ZNF678: variants seen among roughly 807,000 people sequenced by gnomAD.
ZNF678 encodes hypothetical protein MGC42493.
ZNF678 carries 5 observed loss-of-function variants against 3.0 expected under a neutral mutation model. The ratio of observed to expected loss-of-function variants is 1.69; its 90% CI spans 0.88 to 3.56. The LOEUF is 3.56. Among genes scored for constraint, ZNF678 ranks in the 30% most tolerant of loss-of-function variants. ZNF678 has a pLI of 0.00. For missense variants in ZNF678, 593 were observed against 605.0 expected, an observed-to-expected ratio of 0.98 and a Z score of 0.21; for synonymous variants, 218 against 199.6, an observed-to-expected ratio of 1.09 and a Z score of -0.78.
intron 1 of ZNF678, among the ~76,000 whole-genome samples, chr1:227,566,198 C>A (rs912475031): frequency 6.6e-6 from 1 of 152,156 alleles, no homozygotes; most frequent in African/African-American, 2.4e-5. Flanking sequence ...CAGCCTATGG[C>A]ATGGAGATGG....
In ZNF678 at chr1:227,655,896, G is replaced by A. The variant is rs1258210192; in HGVS notation, c.*68G>A. On this transcript the variant is annotated 3_prime_UTR_variant, in exon 4 of 4. Transcript: ENST00000343776. ...TAAAAGTGGTATGAGCATAATGACT[G>A]TTTAAGGATGTTTCACAAAATGTAA... 5 of 1,391,886 alleles carry A rather than the reference G, an allele frequency of 3.6e-6. No individual in the cohort carries two copies. The highest frequency in any genetic ancestry group is 4.9e-6 in the Non-Finnish European group (5 of 1,028,686). The allele number at this position is 1,391,886 out of a possible 1,614,324, so 86.2% of individuals were successfully genotyped here. A position where few individuals can be genotyped will look rare whatever the true frequency, so the allele number is the denominator to read the frequency against.
At chr1:227,585,571 G>A (rs978129845) in intron 1 of ZNF678, among the ~76,000 whole-genome samples, 1 of 152,108 alleles carries the variant, frequency 6.6e-6, no homozygotes, top group Non-Finnish European at 1.5e-5. Context: ...TCAAGAGATC[G>A]AGACCATACT....
chr1:227,570,739 C>T (rs1656818301), intron 1 of ZNF678, among the ~76,000 whole-genome samples: 1 of 151,966 alleles, frequency 6.6e-6, no homozygotes, highest in African/African-American at 2.4e-5. Context: ...TTGATAATGT[C>T]ACTGTCTCCA....
At chr1:227,585,082 A>T (rs1194909974) in intron 1 of ZNF678, among the ~76,000 whole-genome samples, 2 of 152,092 alleles carry the variant, frequency 1.3e-5, no homozygotes, top group African/African-American at 2.4e-5. Flanking sequence ...GAAGAGACAA[A>T]TTTTTTCTAT....
intron 1 of ZNF678, among the ~76,000 whole-genome samples, chr1:227,564,949 T>C (rs535753055): frequency 1.3e-5 from 2 of 152,124 alleles, no homozygotes; most frequent in East Asian, 3.9e-4. Context: ...TTGGTCAGGC[T>C]GGTCTCCAAC....
At chr1:227,675,789 C>G (rs1357200934) in intron 5 of ZNF678, among the ~76,000 whole-genome samples, 1 of 152,078 alleles carries the variant, frequency 6.6e-6, no homozygotes, top group Non-Finnish European at 1.5e-5. Context: ...ATCATCTAAA[C>G]TTGTAAAAAA....
At chr1:227,628,301 T>A (rs1408283927) in intron 1 of ZNF678, among the ~76,000 whole-genome samples, 1 of 152,192 alleles carries the variant, frequency 6.6e-6, no homozygotes, top group African/African-American at 2.4e-5. Flanking sequence ...CTGTTTTTTT[T>A]TCTGTGACAT....
chr1:227,580,084 T>C (rs1426909470), intron 1 of ZNF678, among the ~76,000 whole-genome samples: 3 of 152,190 alleles, frequency 2.0e-5, no homozygotes, highest in Non-Finnish European at 4.4e-5. Context: ...AGTGGATTGC[T>C]TCTTGACAGT....
Position 227,655,532 on chromosome 1 carries a change from A to G in ZNF678, c.1282A>G (p.Thr428Ala). The G allele has an allele frequency of 6.2e-7, 1 of 1,612,748 alleles. No individual in the cohort carries two copies. The highest frequency in any genetic ancestry group is 8.5e-7 in the Non-Finnish European group (1 of 1,179,400). Residue 428 changes from threonine to alanine, a missense_variant, in exon 4 of 4, where the codon ACT becomes GCT. Coordinates refer to ENST00000343776, the MANE Select transcript of ZNF678 (RefSeq NM_001367909.1). ...SHLTSHKRIH[T>A]GEKPYKCKEC... is the part of the protein sequence containing the mutation. ...CCTAACTAGCCATAAGAGAATTCAT[A>G]CTGGAGAGAAACCCTACAAATGTAA...
intron 1 of ZNF678, among the ~76,000 whole-genome samples, chr1:227,579,094 G>C (rs1657056399): frequency 6.6e-6 from 1 of 152,124 alleles, no homozygotes; most frequent in East Asian, 1.9e-4. Context: ...CTGGCTCCTG[G>C]AGGTTTGGAA....
At chr1:227,635,840 G>A (rs921881256) in intron 1 of ZNF678, among the ~76,000 whole-genome samples, 6 of 151,982 alleles carry the variant, frequency 3.9e-5, no homozygotes, top group Non-Finnish European at 7.4e-5. Flanking sequence ...GCCTGAGAAG[G>A]GAGGAGTTAT....
chr1:227,676,757 A>T (rs1659687391), intron 5 of ZNF678, among the ~76,000 whole-genome samples: 1 of 147,606 alleles, frequency 6.8e-6, no homozygotes, highest in South Asian at 2.1e-4. Flanking sequence ...CACCTATAAG[A>T]GAGAACATGC....
rs192217855 is a variant in ZNF678, at chr1:227,585,601, C to T, written c.-164+21877C>T. Among the ~76,000 whole-genome samples, 477 of 152,162 alleles carry T rather than the reference C, an allele frequency of 3.1e-3. 1 individual carries two copies. The highest frequency in any genetic ancestry group is 3.4e-3 in the Middle Eastern group (1 of 294). On this transcript the variant is annotated intron_variant, in intron 1 of 3. Transcript: ENST00000343776. ...CATACTGGCCAACATGTTGAAACCC[C>T]GTCTCTACTAAAAATTCAAAAATTA... is the stretch of plus-strand genomic sequence containing the variant.
intron 1 of ZNF678, among the ~76,000 whole-genome samples, chr1:227,572,604 C>T (rs1656877333): frequency 6.6e-6 from 1 of 152,174 alleles, no homozygotes; most frequent in South Asian, 2.1e-4. Context: ...ATCCCGGTAC[C>T]CAGGGGTGTC....
At chr1:227,608,791 A>G (rs1284836526) in intron 1 of ZNF678, among the ~76,000 whole-genome samples, 1 of 152,208 alleles carries the variant, frequency 6.6e-6, no homozygotes, top group Non-Finnish European at 1.5e-5. Context: ...TTCAAGAAGG[A>G]AAAGTAAATC....
intron 1 of ZNF678, among the ~76,000 whole-genome samples, chr1:227,566,566 T>A (rs753949044): frequency 2.6e-5 from 4 of 152,144 alleles, no homozygotes; most frequent in Non-Finnish European, 5.9e-5. Context: ...TGTCCCAAAT[T>A]ATAGGATAGC....
intron 5 of ZNF678, among the ~76,000 whole-genome samples, chr1:227,670,754 G>A (rs1659586773): frequency 6.6e-6 from 1 of 152,156 alleles, no homozygotes; most frequent in African/African-American, 2.4e-5. Context: ...CTCTGTGAAG[G>A]GCTGCCCTAG....
At chr1:227,599,005 C>G in intron 1 of ZNF678, 1 of 1,364,416 alleles carries the variant, frequency 7.3e-7, no homozygotes. Flanking sequence ...TTCTTTTCTC[C>G]TCTTCTAGTT....
intron 5 of ZNF678, among the ~76,000 whole-genome samples, chr1:227,669,925 C>T (rs559677601): frequency 1.3e-4 from 20 of 152,106 alleles, no homozygotes; most frequent in Non-Finnish European, 2.5e-4. Context: ...GCAGTACTCA[C>T]AGTAGCAGAG....
Sources: gnomAD v4.1 joint callset for allele counts (sites outside exome capture counted in the v4.1 genomes callset) on GRCh38, gnomAD v4.1.1 for gene constraint, MANE v1.5 for transcripts, NCBI Gene and HGNC (gene_info 2026-07-23, HGNC 2026-07-21) for gene names.